Variants in KLKB1 observed in about 807,000 individuals in gnomAD.
The protein encoded by KLKB1 is plasma kallikrein.
KLKB1 carries 58 observed loss-of-function variants against 73.6 expected under a neutral mutation model. That is an observed-to-expected ratio of 0.79 (90% CI 0.64 to 0.98). The LOEUF is 0.98. Among genes scored for constraint, KLKB1 ranks in the 50% least tolerant of loss-of-function variants. The pLI is 0.00. For synonymous variants in KLKB1, 280 were observed against 258.1 expected, an observed-to-expected ratio of 1.08 and a Z score of -0.81; for missense variants, 737 against 763.8, an observed-to-expected ratio of 0.96 and a Z score of 0.41.
chr4:186,231,120 C>T (rs1737382930), intron 2 of KLKB1, among the ~76,000 whole-genome samples: 1 of 152,104 alleles, frequency 6.6e-6, no homozygotes, highest in African/African-American at 2.4e-5. Flanking sequence ...CTCTCCAGTG[C>T]TTAATAAAAT....
intron 6 of KLKB1, among the ~76,000 whole-genome samples, chr4:186,248,884 G>T (rs1738524701): frequency 6.6e-6 from 1 of 152,118 alleles, no homozygotes; most frequent in Non-Finnish European, 1.5e-5. Flanking sequence ...GTGAAGTGGT[G>T]TCTCACTGTG....
intron 7 of KLKB1, 188 bp from the exon 8 acceptor site, chr4:186,251,031 G>A (rs1246665327): frequency 3.5e-6 from 2 of 575,310 alleles, no homozygotes; most frequent in African/African-American, 3.8e-5. Flanking sequence ...CAGAGGGAGA[G>A]GTGGCTTGAT....
chr4:186,246,748 G>T (rs1935587798), intron 6 of KLKB1, among the ~76,000 whole-genome samples: 1 of 152,136 alleles, frequency 6.6e-6, no homozygotes, highest in African/African-American at 2.4e-5. Flanking sequence ...TTGCCCCCAG[G>T]AAAGTGGTTC....
chr4:186,225,379 C>T (rs970916619), upstream of KLKB1, among the ~76,000 whole-genome samples: 1 of 149,234 alleles, frequency 6.7e-6, no homozygotes, highest in Non-Finnish European at 1.5e-5. Context: ...AATTGCTTTT[C>T]TCTTGCTTCT....
chr4:186,236,949 A>T lies in KLKB1; in HGVS notation c.488+9A>T. On this transcript the variant is annotated intron_variant, in intron 5 of 14. Coordinates refer to ENST00000264690, the MANE Select transcript of KLKB1 (RefSeq NM_000892.5). Reference sequence around the variant, plus strand: ...CACAAGGCAGAGTACCGGTGAGTACAATTCAAGGTGTGTGTTCTTTGTATT... The same window carrying T: ...CACAAGGCAGAGTACCGGTGAGTACTATTCAAGGTGTGTGTTCTTTGTATT... 1 of 1,613,966 alleles carries T rather than the reference A, an allele frequency of 6.2e-7. No homozygotes were observed. The highest frequency in any genetic ancestry group is 8.5e-7 in the Non-Finnish European group (1 of 1,179,840).
chr4:186,222,866 C>T (rs1737060591), upstream of KLKB1, among the ~76,000 whole-genome samples: 1 of 152,052 alleles, frequency 6.6e-6, no homozygotes, highest in Non-Finnish European at 1.5e-5. Context: ...TTTTATTTGT[C>T]TGGTGATATG....
At chr4:186,216,065 C>G (rs866860520) in intron 2 of KLKB1, among the ~76,000 whole-genome samples, 1 of 152,280 alleles carries the variant, frequency 6.6e-6, no homozygotes, top group South Asian at 2.1e-4. Context: ...GAACAAGGAC[C>G]AATCAGAATT....
chr4:186,253,981 G>T (rs577898400), intron 11 of KLKB1, among the ~76,000 whole-genome samples: 2 of 151,928 alleles, frequency 1.3e-5, no homozygotes, highest in Non-Finnish European at 2.9e-5. Context: ...GATTACAGGC[G>T]CGCGCCACAC....
At chr4:186,250,495 A>G in intron 7 of KLKB1, 93 bp downstream of exon 7, 1 of 1,455,126 alleles carries the variant, frequency 6.9e-7, no homozygotes, top group South Asian at 1.1e-5. Flanking sequence ...CTGAGTTCTT[A>G]AAAGTTTCGT....
At chr4:186,256,232 G>C (rs1322351854) in intron 13 of KLKB1, 145 bp downstream of exon 13, 20 of 687,856 alleles carry the variant, frequency 2.9e-5, no homozygotes, top group Non-Finnish European at 4.9e-5. Context: ...TATTTATTCA[G>C]TTATTCTTAA....
chr4:186,246,433 C>A (rs1460611107), intron 6 of KLKB1, among the ~76,000 whole-genome samples: 6 of 152,122 alleles, frequency 3.9e-5, no homozygotes, highest in Non-Finnish European at 8.8e-5. Context: ...CGTCAGGCAC[C>A]TCAGACCGTT....
rs564363795 is a variant in KLKB1 at position 186,248,048 on chromosome 4, C to T, written c.599-2195C>T. 9.2e-5 allele frequency among the ~76,000 whole-genome samples: 14 copies of T among 152,152 alleles called. 1 individual carries two copies. In the East Asian group the frequency reaches 2.5e-3, roughly 27 times the overall value. ...GGATCACGGGGTCAGGAGATTGAAA[C>T]CATCCTGGGTAACACGGTGAAGCCC... On this transcript the variant is annotated intron_variant, in intron 6 of 14. Transcript: ENST00000264690.
chr4:186,232,417 C>A, intron 3 of KLKB1, 128 bp downstream of exon 3: 1 of 837,590 alleles, frequency 1.2e-6, no homozygotes. Flanking sequence ...AGCAAAATCC[C>A]GTCAAGTGGT....
At chr4:186,213,599 CA>C (rs1412262889) in intron 2 of KLKB1, 11 of 152,294 alleles carry the variant, frequency 7.2e-5, no homozygotes, top group African/African-American at 2.6e-4. Flanking sequence ...GCTGAAAGCA[CA>C]AAGTAAACTC....
At position 186,232,245 on chromosome 4, in the gene KLKB1, A is replaced by G; in HGVS notation, c.177A>G (p.Leu59=). 1.2e-6 allele frequency: 2 copies of G among 1,614,162 alleles called. No individual in the cohort carries two copies. The highest frequency in any genetic ancestry group is 1.7e-6 in the Non-Finnish European group (2 of 1,179,992). ...GCACATTCCACCCAAGGTGTTTGCT[A>G]TTCAGTTTTCTTCCAGCAAGTTCAA... The part of the protein sequence containing the change: ...MRCTFHPRCL[L]FSFLPASSIN... Residue 59 remains leucine, a synonymous_variant, in exon 3 of 15, where the codon CTA becomes CTG. Coordinates refer to ENST00000264690, the MANE Select transcript of KLKB1 (RefSeq NM_000892.5).
chr4:186,254,913 A>G, intron 12 of KLKB1, 150 bp downstream of exon 12: 3 of 657,732 alleles, frequency 4.6e-6, no homozygotes, highest in East Asian at 5.4e-5. Context: ...GGAAGTGAAG[A>G]CCCCGCGACT....
At chr4:186,240,202 GT>G (rs765175553) in intron 6 of KLKB1, among the ~76,000 whole-genome samples, 2 of 151,720 alleles carry the variant, frequency 1.3e-5, no homozygotes, top group Non-Finnish European at 2.9e-5. Context: ...CAGTGATATT[GT>G]TATAGTTATA....
At chr4:186,223,247 G>A (rs1272774871), upstream of KLKB1, among the ~76,000 whole-genome samples, 1 of 152,184 alleles carries the variant, frequency 6.6e-6, no homozygotes, top group Non-Finnish European at 1.5e-5. Context: ...CAGAGAATTG[G>A]TACTGGCAGA....
intron 4 of KLKB1, among the ~76,000 whole-genome samples, chr4:186,235,317 C>T (rs182802737): frequency 1.6e-4 from 24 of 152,284 alleles, no homozygotes; most frequent in Non-Finnish European, 2.8e-4. Flanking sequence ...TTCTAAAACT[C>T]ACTGTTACTC....
Sources: gnomAD v4.1 joint callset for allele counts (sites outside exome capture counted in the v4.1 genomes callset) on GRCh38, gnomAD v4.1.1 for gene constraint, MANE v1.5 for transcripts, NCBI Gene and HGNC (gene_info 2026-07-23, HGNC 2026-07-21) for gene names.